The following TG variants were observed in gnomAD, a reference collection of about 807,000 sequenced individuals.
TG encodes the protein thyroglobulin.
Under a neutral mutation model 324.7 loss-of-function variants are expected in TG, and 270 were observed. The ratio of observed to expected loss-of-function variants is 0.83; its 90% confidence interval spans 0.75 to 0.92. The LOEUF (loss-of-function observed/expected upper bound fraction) is 0.92, where lower values mean the gene tolerates loss of function less well. TG is among the 40% of genes least tolerant of loss of function. The pLI, the probability that TG is intolerant of heterozygous loss-of-function variation, is 0.00. For missense variants in TG, 3,591 were observed against 3,456.4 expected (o/e 1.04, Z -0.98); for synonymous variants, 1,401 against 1,327.0 (o/e 1.06, Z -1.21).
intron 21 of TG, among the ~76,000 whole-genome samples, chr8:132,921,953 T>C (rs1821169203): frequency 1.3e-5 from 2 of 152,236 alleles, no homozygotes; most frequent in Admixed American, 1.3e-4. Flanking sequence ...CCATAAAATA[T>C]TATCTTTCAC....
At position 133,050,829 on chromosome 8, in the gene TG, G is replaced by A. The variant is rs781500964; in HGVS notation, c.7239+20806G>A. Reference sequence around the variant, plus strand: ...GAGCTGACTCACTCAGAAATCACACGCAGTTTCTCCCCTCGGCGGAATATC... The same window carrying A: ...GAGCTGACTCACTCAGAAATCACACACAGTTTCTCCCCTCGGCGGAATATC... On this transcript the variant is annotated intron_variant, in intron 41 of 47. Transcript: ENST00000220616. 6.2e-6 allele frequency: 10 copies of A among 1,606,834 alleles called. No homozygotes were observed. In the East Asian group the frequency reaches 6.7e-5, roughly 11 times the overall value.
intron 43 of TG, among the ~76,000 whole-genome samples, chr8:133,104,640 A>C (rs1849634749): frequency 6.6e-6 from 1 of 152,242 alleles, no homozygotes; most frequent in Non-Finnish European, 1.5e-5. Flanking sequence ...AAAGGAAGCA[A>C]AAGTCAAATG....
At chr8:133,133,984 G>A (rs1193830366) in intron 47 of TG, among the ~76,000 whole-genome samples, 17 of 152,226 alleles carry the variant, frequency 1.1e-4, no homozygotes, top group Non-Finnish European at 5.9e-5. Flanking sequence ...GAAGAGAAGG[G>A]AGTGTCTTGA....
chr8:132,939,672 T>TGTG (rs113473238), intron 25 of TG, among the ~76,000 whole-genome samples: 7 of 147,220 alleles, frequency 4.8e-5, no homozygotes, highest in Non-Finnish European at 1.0e-4. Context: ...GGTTTTTTTT[T>TGTG]TTTGTTTGTT....
intron 29 of TG, among the ~76,000 whole-genome samples, chr8:132,963,670 A>AGTGC (rs143171796): frequency 1.0e-3 from 150 of 145,186 alleles, no homozygotes; most frequent in African/African-American, 3.6e-3. Context: ...TGTGGTCTGC[A>AGTGC]GTGTGTGTGT....
At chr8:133,014,909 A>G (rs115192301) in intron 37 of TG, among the ~76,000 whole-genome samples, 6 of 152,092 alleles carry the variant, frequency 3.9e-5, no homozygotes, top group Non-Finnish European at 2.9e-5. Flanking sequence ...TTTCTGAGAC[A>G]GAGTCTCACT....
chr8:133,050,793 C>T (rs1243233631), intron 41 of TG: 1 of 1,467,128 alleles, frequency 6.8e-7, no homozygotes, highest in Non-Finnish European at 9.6e-7. Context: ...GAAGATTGCA[C>T]AAGTTTTGGA....
At chr8:132,942,872 G>A (rs905703321) in intron 26 of TG, among the ~76,000 whole-genome samples, 1 of 152,152 alleles carries the variant, frequency 6.6e-6, no homozygotes. Flanking sequence ...AGAGTGGGAG[G>A]ATTTGGTTCA....
chr8:132,941,298 C>T, intron 25 of TG, 53 bp from the exon 26 acceptor site: 1 of 1,606,972 alleles, frequency 6.2e-7, no homozygotes. Flanking sequence ...AAGCTCTGTC[C>T]AACTCTGCCA....
At chr8:133,040,035 A>C (rs1837913411) in intron 41 of TG, 1 of 1,552,078 alleles carries the variant, frequency 6.4e-7, no homozygotes, top group Non-Finnish European at 8.7e-7. Context: ...TTCTGACGCA[A>C]GGTGACAGGT....
intron 29 of TG, chr8:132,964,559 C>T (rs866289606): frequency 3.7e-6 from 1 of 272,562 alleles, no homozygotes; most frequent in Non-Finnish European, 7.0e-6. Flanking sequence ...TCCCATCAGT[C>T]TGAATGTTTG....
intron 35 of TG, among the ~76,000 whole-genome samples, chr8:132,994,286 A>G (rs1172005976): frequency 6.6e-6 from 1 of 152,236 alleles, no homozygotes; most frequent in Non-Finnish European, 1.5e-5. Flanking sequence ...AAAGTTATTC[A>G]CACTAAGGTG....
At chr8:133,004,322 A>G (rs570642414) in intron 35 of TG, among the ~76,000 whole-genome samples, 1 of 152,322 alleles carries the variant, frequency 6.6e-6, no homozygotes, top group South Asian at 2.1e-4. Flanking sequence ...TGATCTGTCA[A>G]TTACCACCTC....
At chr8:133,059,154 G>C (rs1434495364) in intron 41 of TG, 1 of 456,130 alleles carries the variant, frequency 2.2e-6, no homozygotes, top group Non-Finnish European at 4.4e-6. Flanking sequence ...CGCCCAGGGC[G>C]GTGCTGCAGG....
chr8:132,963,748 G>A (rs914803556), intron 29 of TG, among the ~76,000 whole-genome samples: 5 of 151,598 alleles, frequency 3.3e-5, no homozygotes, highest in Admixed American at 3.3e-4. Flanking sequence ...AGGAGCAGAA[G>A]GAAAGAAGGA....
intron 26 of TG, among the ~76,000 whole-genome samples, chr8:132,944,957 C>T (rs1825019335): frequency 6.6e-6 from 1 of 152,096 alleles, no homozygotes. Flanking sequence ...AGCCGTGGTC[C>T]CTGGAGCAGA....
Position 132,888,433 on chromosome 8 carries a change from C to T in TG, c.2626C>T (p.Leu876Phe), listed in dbSNP as rs761470411. Residue 876 changes from leucine to phenylalanine, a missense_variant, in exon 10 of 48, where the codon CTC (leucine) becomes TTC (phenylalanine). Transcript: ENST00000220616. ...CTTCTGGCAGATCTTAAATGGCCAA[C>T]TCAGCCAATACCCGGGGTCCTACTC... ...YLFWQILNGQ[L>F]SQYPGSYSDF... 1.5e-5 allele frequency: 25 copies of T among 1,613,090 alleles called. No individual in the cohort carries two copies. The highest frequency in any genetic ancestry group is 2.1e-5 in the Non-Finnish European group (25 of 1,179,196).
Position 132,988,940 on chromosome 8 carries a change from G to A in TG, c.6262+5528G>A, listed in dbSNP as rs930979834. 2.8e-5 allele frequency: 27 copies of A among 969,352 alleles called. No individual in the cohort carries two copies. In the Admixed American group the frequency reaches 4.9e-4, roughly 18 times the overall value. 60.0% of individuals were successfully genotyped at this position (969,352 alleles called of 1,614,324 possible). A position where few individuals can be genotyped will look rare whatever the true frequency, so the allele number is the denominator to read the frequency against. On this transcript the variant is annotated intron_variant, in intron 35 of 47. Transcript: ENST00000220616. The stretch of plus-strand genomic sequence containing the variant: ...TCACGTTGCTCATAAAGACATACCC[G>A]AGACTGGACAATTTGCAGAAGAAAG...
At chr8:132,917,249 A>G (rs1335897547) in intron 20 of TG, among the ~76,000 whole-genome samples, 1 of 152,102 alleles carries the variant, frequency 6.6e-6, no homozygotes, top group Admixed American at 6.6e-5. Context: ...CATCCTGTGA[A>G]GAAGCCTGTT....
Sources: gnomAD v4.1 joint callset for allele counts (sites outside exome capture counted in the v4.1 genomes callset) on GRCh38, gnomAD v4.1.1 for gene constraint, MANE v1.5 for transcripts, NCBI Gene and HGNC (gene_info 2026-07-23, HGNC 2026-07-21) for gene names.